Variants in ASRGL1 observed in about 807,000 individuals in gnomAD.
The protein encoded by ASRGL1 is isoaspartyl peptidase/L-asparaginase.
Under a neutral mutation model 22.4 loss-of-function variants are expected in ASRGL1, and 16 were observed. The ratio of observed to expected loss-of-function variants is 0.71; its 90% CI spans 0.48 to 1.08. The LOEUF is 1.08. Ranked by LOEUF, ASRGL1 falls within the 50% of genes least tolerant of loss-of-function variation. ASRGL1 has a pLI of 0.00. For synonymous variants in ASRGL1, 165 were observed against 159.3 expected (o/e 1.04, Z -0.27); for missense variants, 412 against 410.1 (o/e 1.00, Z -0.04).
chr11:62,391,927 G>C, intron 6 of ASRGL1, 152 bp from the exon 7 acceptor site: 1 of 905,834 alleles, frequency 1.1e-6, no homozygotes, highest in Non-Finnish European at 1.7e-6. Context: ...CTGTCTCAGG[G>C]CAAGGAGGTG....
intron 3 of ASRGL1, 147 bp from the exon 4 acceptor site, chr11:62,356,840 T>C (rs892839057): frequency 2.5e-5 from 27 of 1,059,268 alleles, no homozygotes; most frequent in Non-Finnish European, 3.1e-5. Context: ...CAGGCTTTTT[T>C]CAGCATACAG....
intron 2 of ASRGL1, among the ~76,000 whole-genome samples, chr11:62,353,322 C>G (rs1160908903): frequency 6.9e-6 from 1 of 144,074 alleles, no homozygotes; most frequent in Non-Finnish European, 1.5e-5. Context: ...ATTTCAAGTT[C>G]ATTGAAGCAT....
In ASRGL1 at chr11:62,392,308, A is replaced by G. The variant is rs1033473073; in HGVS notation, c.*24A>G. 4 of 1,610,652 alleles carry G rather than the reference A, an allele frequency of 2.5e-6. 1 individual carries two copies. In the African/African-American group the frequency reaches 4.0e-5, roughly 16 times the overall value. ...AAGCCGCTGGAAGATTGTATTCCAG[A>G]TGCTAGCTTAGAGGTCAAGTACAGT... On this transcript the variant is annotated 3_prime_UTR_variant, in exon 7 of 7. Coordinates refer to ENST00000415229, the MANE Select transcript of ASRGL1 (RefSeq NM_001083926.2).
At chr11:62,380,387 G>T (rs867290683) in intron 4 of ASRGL1, among the ~76,000 whole-genome samples, 17 of 152,104 alleles carry the variant, frequency 1.1e-4, no homozygotes, top group Admixed American at 3.3e-4. Context: ...TTATTGTATT[G>T]AATGAGGGGC....
chr11:62,399,370 C>G, the ASRGL1 span, among the ~76,000 whole-genome samples: 5 of 152,246 alleles, frequency 3.3e-5, no homozygotes, highest in Admixed American at 1.3e-4. Flanking sequence ...GTGTAGAGAA[C>G]AGGCAGCCAG....
At chr11:62,360,490 A>C (rs945469232) in intron 4 of ASRGL1, among the ~76,000 whole-genome samples, 3 of 152,156 alleles carry the variant, frequency 2.0e-5, no homozygotes, top group African/African-American at 4.8e-5. Flanking sequence ...AATGCTATAA[A>C]GTGGAGCTCA....
intron 4 of ASRGL1, among the ~76,000 whole-genome samples, chr11:62,358,321 G>C (rs563843136): frequency 7.3e-6 from 1 of 137,510 alleles, no homozygotes; most frequent in African/African-American, 2.7e-5. Flanking sequence ...GGTGAGCCAA[G>C]ATCCCACCAT....
intron 2 of ASRGL1, among the ~76,000 whole-genome samples, chr11:62,346,017 G>A (rs766903594): frequency 5.3e-5 from 8 of 152,186 alleles, no homozygotes; most frequent in Non-Finnish European, 1.0e-4. Flanking sequence ...TACAGATGAA[G>A]AGTTGCATAG....
At chr11:62,357,416 ATTTT>A (rs1342638247) in intron 4 of ASRGL1, among the ~76,000 whole-genome samples, 3 of 100,412 alleles carry the variant, frequency 3.0e-5, no homozygotes, top group Non-Finnish European at 1.9e-5. Flanking sequence ...CACCCGGCTC[ATTTT>A]TTTTTTTTTT....
At chr11:62,388,297 G>A (rs557471629) in intron 4 of ASRGL1, among the ~76,000 whole-genome samples, 6 of 152,242 alleles carry the variant, frequency 3.9e-5, no homozygotes, top group African/African-American at 9.6e-5. Context: ...GAAAATTAAC[G>A]GATTTGATCT....
At chr11:62,337,836 C>G in intron 1 of ASRGL1, 54 bp from the exon 2 acceptor site, 1 of 895,082 alleles carries the variant, frequency 1.1e-6, no homozygotes, top group East Asian at 3.0e-5. Context: ...CCCCTACCCA[C>G]CCCCAGCTGC....
At position 62,350,521 on chromosome 11, in the gene ASRGL1, C is replaced by A. The variant is rs561486102; in HGVS notation, c.191-5804C>A. On this transcript the variant is annotated intron_variant, in intron 2 of 6. Coordinates refer to ENST00000415229, the MANE Select transcript of ASRGL1 (RefSeq NM_001083926.2). ...GGTCAAATTTTTTATCCAGGCCAGG[C>A]ACAGTGGCTCACGCCTGTAATGCCA... is the stretch of plus-strand genomic sequence containing the variant. Among the ~76,000 whole-genome samples, 30 of 152,340 alleles carry A rather than the reference C, an allele frequency of 2.0e-4. No individual in the cohort carries two copies. The South Asian group carries it at 6.2e-3, about 32-fold the overall frequency.
chr11:62,362,396 A>G (rs1359951073), intron 4 of ASRGL1, among the ~76,000 whole-genome samples: 1 of 142,874 alleles, frequency 7.0e-6, no homozygotes, highest in Non-Finnish European at 1.5e-5. Context: ...TTAATTTTGA[A>G]CTTGTATTAT....
chr11:62,378,175 A>G (rs1050695128), intron 4 of ASRGL1, among the ~76,000 whole-genome samples: 31 of 152,120 alleles, frequency 2.0e-4, no homozygotes, highest in African/African-American at 4.6e-4. Flanking sequence ...TCTTATTTCT[A>G]TTTTTTGTAG....
At chr11:62,394,710 G>A (rs1294696151), downstream of ASRGL1, among the ~76,000 whole-genome samples, 3 of 152,126 alleles carry the variant, frequency 2.0e-5, no homozygotes, top group East Asian at 1.9e-4. Context: ...AAAGATTACC[G>A]TAGGCTCAGC....
At chr11:62,390,604 T>TA (rs1240515977) in intron 5 of ASRGL1, among the ~76,000 whole-genome samples, 2 of 152,210 alleles carry the variant, frequency 1.3e-5, no homozygotes, top group Admixed American at 1.3e-4. Flanking sequence ...CCCGGTCAGT[T>TA]AATTCCCCAG....
At chr11:62,400,780 A>G in the ASRGL1 span, among the ~76,000 whole-genome samples, 176 of 152,256 alleles carry the variant, frequency 1.2e-3, 1 homozygote, top group East Asian at 2.3e-3. Flanking sequence ...GCTTGATCCC[A>G]GGCCCAGGGC....
At chr11:62,339,975 TC>T (rs1945824623) in intron 2 of ASRGL1, among the ~76,000 whole-genome samples, 1 of 152,064 alleles carries the variant, frequency 6.6e-6, no homozygotes, top group Non-Finnish European at 1.5e-5. Flanking sequence ...GTGTAATTCT[TC>T]CTGAGACCGG....
chr11:62,339,489 G>A (rs1945813076), intron 2 of ASRGL1, among the ~76,000 whole-genome samples: 1 of 151,984 alleles, frequency 6.6e-6, no homozygotes. Context: ...ACCCTTTTTT[G>A]GAATACTAAT....
Sources: allele counts gnomAD v4.1 joint callset (sites outside exome capture counted in the v4.1 genomes callset), GRCh38; gene constraint gnomAD v4.1.1; transcripts MANE v1.5; gene names NCBI Gene and HGNC (gene_info 2026-07-23, HGNC 2026-07-21).